Variants in CNTNAP2 observed in about 807,000 individuals in gnomAD.
The protein encoded by CNTNAP2 is contactin associated protein 2.
In CNTNAP2, 98 loss-of-function variants were observed where a neutral mutation model predicts 155.2. The observed-to-expected ratio is 0.63, with a 90% CI of 0.54 to 0.75. The LOEUF (loss-of-function observed/expected upper bound fraction) is 0.75, where lower values mean the gene tolerates loss of function less well. Among genes scored for constraint, CNTNAP2 ranks in the 30% least tolerant of loss-of-function variants. CNTNAP2 has a pLI of 0.00. For missense variants in CNTNAP2, 1,727 were observed against 1,688.1 expected (o/e 1.02, Z -0.40); for synonymous variants, 651 against 631.2 (o/e 1.03, Z -0.47).
intron 21 of CNTNAP2, among the ~76,000 whole-genome samples, chr7:148,342,917 C>T (rs1414209226): frequency 1.3e-5 from 2 of 152,184 alleles, no homozygotes; most frequent in Admixed American, 6.5e-5. Context: ...TGCCTTCCAA[C>T]AAGAAAGGGT....
intron 14 of CNTNAP2, among the ~76,000 whole-genome samples, chr7:147,960,513 A>C (rs1801098113): frequency 6.6e-6 from 1 of 152,208 alleles, no homozygotes; most frequent in Non-Finnish European, 1.5e-5. Flanking sequence ...AAATATGAGA[A>C]TAATCCAGGC....
chr7:146,766,113 C>T (rs74688868), intron 1 of CNTNAP2, among the ~76,000 whole-genome samples: 2,667 of 152,226 alleles, frequency 0.018, 37 homozygotes, highest in Non-Finnish European at 0.029. Context: ...TTAAAAAATC[C>T]ATCTGGCAAC....
chr7:146,826,857 T>TATAGAG (rs773069615), intron 2 of CNTNAP2, among the ~76,000 whole-genome samples: 203 of 138,968 alleles, frequency 1.5e-3, no homozygotes, highest in African/African-American at 5.3e-3. Context: ...TATATATATA[T>TATAGAG]AGAGAGAGAG....
chr7:148,208,591 A>G (rs1454393128), intron 18 of CNTNAP2, among the ~76,000 whole-genome samples: 1 of 152,214 alleles, frequency 6.6e-6, no homozygotes, highest in African/African-American at 2.4e-5. Context: ...AGAGTTGAGT[A>G]AATCAAATAA....
rs536367615 is a variant in CNTNAP2 at position 148,272,783 on chromosome 7, C to T, written c.3475+5657C>T. 2.6e-5 allele frequency among the ~76,000 whole-genome samples: 4 copies of T among 152,160 alleles called. No homozygotes were observed. The South Asian group carries it at 8.3e-4, about 32-fold the overall frequency. ...ATTCTTAAATGAATGTGATTCTGAG[C>T]CACACTAGTATGAGAATCATGTCCA... On this transcript the variant is annotated intron_variant, in intron 21 of 23. Coordinates refer to ENST00000361727, the MANE Select transcript of CNTNAP2 (RefSeq NM_014141.6).
chr7:146,302,244 T>C (rs9918675), intron 1 of CNTNAP2, among the ~76,000 whole-genome samples: 4,430 of 152,302 alleles, frequency 0.029, 102 homozygotes, highest in African/African-American at 0.061. Flanking sequence ...TCCCATATAA[T>C]AGAAGTTTGT....
At chr7:147,468,568 T>C (rs776096158) in intron 10 of CNTNAP2, among the ~76,000 whole-genome samples, 4 of 152,174 alleles carry the variant, frequency 2.6e-5, no homozygotes, top group Non-Finnish European at 4.4e-5. Flanking sequence ...TGTAAATCCT[T>C]TAGTCAGACG....
At chr7:147,242,499 T>G (rs1220036471) in intron 8 of CNTNAP2, among the ~76,000 whole-genome samples, 1 of 152,202 alleles carries the variant, frequency 6.6e-6, no homozygotes, top group Non-Finnish European at 1.5e-5. Flanking sequence ...TGTGGTAGTA[T>G]GACAGAAAAC....
chr7:146,211,572 T>C (rs1799036456), intron 1 of CNTNAP2, among the ~76,000 whole-genome samples: 1 of 152,170 alleles, frequency 6.6e-6, no homozygotes, highest in African/African-American at 2.4e-5. Context: ...TTGGATCCTG[T>C]CCTGATGGGT....
chr7:147,906,481 A>T (rs1799960146), intron 14 of CNTNAP2, among the ~76,000 whole-genome samples: 2 of 149,884 alleles, frequency 1.3e-5, no homozygotes, highest in South Asian at 2.1e-4. Context: ...ATAGATCTTT[A>T]TTTTTTTTAT....
chr7:147,059,588 A>T (rs1235537410), intron 4 of CNTNAP2, among the ~76,000 whole-genome samples: 1 of 152,156 alleles, frequency 6.6e-6, no homozygotes, highest in African/African-American at 2.4e-5. Context: ...TAACTAAACA[A>T]CCATTTGTTA....
chr7:146,337,690 A>T (rs1801301536), intron 1 of CNTNAP2, among the ~76,000 whole-genome samples: 1 of 152,072 alleles, frequency 6.6e-6, no homozygotes, highest in Admixed American at 6.6e-5. Context: ...GGCTGGTCTC[A>T]AACTCCTGGG....
At chr7:148,286,168 G>A (rs62470564) in intron 21 of CNTNAP2, among the ~76,000 whole-genome samples, 24,964 of 152,118 alleles carry the variant, frequency 0.16, 2,446 homozygotes, top group Middle Eastern at 0.24. Flanking sequence ...GGTTGGCAGA[G>A]GCAGGAGAAA....
chr7:147,391,383 G>T (rs879907222), intron 9 of CNTNAP2, among the ~76,000 whole-genome samples: 1 of 152,058 alleles, frequency 6.6e-6, no homozygotes, highest in Non-Finnish European at 1.5e-5. Flanking sequence ...TATAGAGGTT[G>T]TCTATGTTTA....
chr7:148,136,021 G>GGAAGGAAGGAAGGAAAGA (rs1585145164), intron 16 of CNTNAP2, among the ~76,000 whole-genome samples: 1 of 12,630 alleles, frequency 7.9e-5, no homozygotes, highest in African/African-American at 2.5e-4. Flanking sequence ...GGAAGGAAGG[G>GGAAGGAAGGAAGGAAAGA]AGGGAGGGAG....
intron 21 of CNTNAP2, among the ~76,000 whole-genome samples, chr7:148,312,614 A>G (rs373985482): frequency 6.6e-6 from 1 of 152,196 alleles, no homozygotes; most frequent in Non-Finnish European, 1.5e-5. Context: ...CACAGGGTGG[A>G]TAGGCAAAAC....
chr7:148,091,189 A>G (rs1803833070), intron 15 of CNTNAP2, among the ~76,000 whole-genome samples: 1 of 152,192 alleles, frequency 6.6e-6, no homozygotes, highest in Non-Finnish European at 1.5e-5. Context: ...CATATTGTGT[A>G]TATGAAAATT....
At chr7:146,946,470 A>T (rs1797176198) in intron 3 of CNTNAP2, among the ~76,000 whole-genome samples, 1 of 152,154 alleles carries the variant, frequency 6.6e-6, no homozygotes, top group South Asian at 2.1e-4. Flanking sequence ...CAAATAAAGT[A>T]TCCAAAACAA....
At chr7:147,631,932 C>A (rs762478919) in intron 12 of CNTNAP2, among the ~76,000 whole-genome samples, 3 of 152,124 alleles carry the variant, frequency 2.0e-5, no homozygotes, top group Non-Finnish European at 4.4e-5. Context: ...GCAAAAATTT[C>A]ATGACAAAGC....
Sources: allele counts gnomAD v4.1 joint callset (sites outside exome capture counted in the v4.1 genomes callset), GRCh38; gene constraint gnomAD v4.1.1; transcripts MANE v1.5; gene names NCBI Gene and HGNC (gene_info 2026-07-23, HGNC 2026-07-21).